ASAH1: variants seen among roughly 807,000 people sequenced by gnomAD.
ASAH1 encodes N-acylsphingosine amidohydrolase 1.
In ASAH1, 70 loss-of-function variants were observed where a neutral mutation model predicts 59.5. The ratio of observed to expected loss-of-function variants is 1.18; its 90% CI spans 0.97 to 1.43. ASAH1 has a LOEUF of 1.43. Among genes scored for constraint, ASAH1 ranks in the 40% most tolerant of loss-of-function variants. The pLI, the probability that ASAH1 is intolerant of heterozygous loss-of-function variation, is 0.00. For synonymous variants in ASAH1, 213 were observed against 166.5 expected (o/e 1.28, Z -2.15); for missense variants, 660 against 482.5 (o/e 1.37, Z -3.45).
chr8:18,076,257 GA>G (rs1800400160), intron 1 of ASAH1: 1 of 154,324 alleles, frequency 6.5e-6, no homozygotes, highest in Admixed American at 6.4e-5. Context: ...TCTTCCATAT[GA>G]AAATATTCAT....
At chr8:18,063,104 G>A (rs1258729260) in intron 7 of ASAH1, 81 bp downstream of exon 7, 22 of 1,343,314 alleles carry the variant, frequency 1.6e-5, no homozygotes, top group African/African-American at 4.3e-5. Flanking sequence ...TCCTGACCTC[G>A]TGATCCACCC....
chr8:18,057,808 A>T (rs1241494490), intron 13 of ASAH1, 185 bp from the exon 14 acceptor site: 1 of 186,954 alleles, frequency 5.3e-6, no homozygotes, highest in African/African-American at 2.4e-5. Context: ...AATCATATAA[A>T]ATTAGCTAAA....
intron 4 of ASAH1, chr8:18,068,468 G>T (rs941052159): frequency 4.6e-5 from 7 of 152,164 alleles, no homozygotes; most frequent in African/African-American, 1.7e-4. Flanking sequence ...CAAAAGCTCC[G>T]AGAGCATGCA....
chr8:18,064,152 A>T (rs1799829208), intron 6 of ASAH1: 4 of 523,022 alleles, frequency 7.6e-6, no homozygotes, highest in Non-Finnish European at 1.3e-5. Flanking sequence ...TCCTGCGAGC[A>T]CTTCCATCAA....
In ASAH1 at chr8:18,059,352, T is replaced by C. The variant is rs751353262; in HGVS notation, c.1030A>G (p.Thr344Ala). 1 of 1,614,012 alleles carries C rather than the reference T, an allele frequency of 6.2e-7. No individual in the cohort carries two copies. Among genetic ancestry groups the C allele is most frequent in the East Asian group, 2.2e-5 (1 of 44,882 alleles). ...CCCTGCAAAGGTACCTCTTGGCTGGTGCGGTTCAGACACATCTTTGCAGGC... is the reference window on the plus strand; with the variant it reads ...CCCTGCAAAGGTACCTCTTGGCTGGCGCGGTTCAGACACATCTTTGCAGGC... ...RTPAKMCLNR[T>A]SQENISFETM... The change falls in exon 12 of 14, where the codon ACC becomes GCC. Residue 344 changes from threonine to alanine, a missense_variant. Transcript: ENST00000637790.
chr8:18,063,256 G>T (rs182746178), intron 6 of ASAH1, 26 bp from the exon 7 acceptor site: 190 of 1,580,636 alleles, frequency 1.2e-4, no homozygotes, highest in Middle Eastern at 5.0e-4. Flanking sequence ...CAGAAGAGAC[G>T]TGTAATAGCA....
intron 3 of ASAH1, 23 bp downstream of exon 3, chr8:18,071,277 A>C (rs1263571759): frequency 4.2e-6 from 5 of 1,204,212 alleles, no homozygotes; most frequent in South Asian, 2.1e-5. Flanking sequence ...AAAGAAATAA[A>C]AGATTTAAGC....
intron 1 of ASAH1, among the ~76,000 whole-genome samples, chr8:18,081,301 C>T (rs1800642957): frequency 6.6e-6 from 1 of 152,160 alleles, no homozygotes; most frequent in Non-Finnish European, 1.5e-5. Flanking sequence ...CTCCCTCACC[C>T]CTGGCGCCAC....
chr8:18,059,803 T>C, intron 10 of ASAH1, 100 bp from the exon 11 acceptor site: 1 of 1,220,774 alleles, frequency 8.2e-7, no homozygotes. Flanking sequence ...GGGACACATG[T>C]GCTGAACGTG....
At chr8:18,071,143 G>A (rs1406631804) in intron 3 of ASAH1, among the ~76,000 whole-genome samples, 157 bp downstream of exon 3, 1 of 151,798 alleles carries the variant, frequency 6.6e-6, no homozygotes, top group Non-Finnish European at 1.5e-5. Flanking sequence ...GGAGGCGGAG[G>A]TTGCGGCGAG....
At chr8:18,081,222 C>T (rs1322384604) in intron 1 of ASAH1, among the ~76,000 whole-genome samples, 1 of 152,156 alleles carries the variant, frequency 6.6e-6, no homozygotes, top group African/African-American at 2.4e-5. Context: ...CACCTCACTC[C>T]CTCATCCTCA....
At position 18,057,394 on chromosome 8, in the gene ASAH1, T is replaced by C. The variant is rs549957943; in HGVS notation, c.*140A>G. The C allele has an allele frequency of 2.6e-5, 15 of 572,196 alleles. No individual in the cohort carries two copies. The highest frequency in any genetic ancestry group is 2.5e-4 in the South Asian group (15 of 59,084). The allele number at this position is 572,196 out of a possible 1,614,324, so 35.4% of individuals were successfully genotyped here. On this transcript the variant is annotated 3_prime_UTR_variant, in exon 14 of 14. Transcript: ENST00000637790. Reference sequence around the variant, plus strand: ...AAAAGATCTGTCATTTGTCAACAGATGGACGAAGACAAGCTATTGACTCAA... The same window carrying C: ...AAAAGATCTGTCATTTGTCAACAGACGGACGAAGACAAGCTATTGACTCAA...
In ASAH1 at chr8:18,057,551, G is replaced by A; in HGVS notation, c.1171C>T (p.Pro391Ser). The A allele has an allele frequency of 6.2e-7, 1 of 1,600,744 alleles. No homozygotes were observed. The highest frequency in any genetic ancestry group is 8.5e-7 in the Non-Finnish European group (1 of 1,171,248). Residue 391 changes from proline to serine, a missense_variant, in exon 14 of 14, where the codon CCT becomes TCT. Coordinates refer to ENST00000637790, the MANE Select transcript of ASAH1 (RefSeq NM_177924.5). ...ACGTGTGCTCACCAACCTATACAAG[G>A]GTCAGGGCAGTCCCGCAGGTAAGTT... The part of the protein sequence containing the change: ...FETYLRDCPD[P>S]CIGW
intron 2 of ASAH1, 161 bp from the exon 3 acceptor site, chr8:18,071,551 G>A (rs1161398792): frequency 1.7e-6 from 1 of 593,088 alleles, no homozygotes; most frequent in Non-Finnish European, 3.1e-6. Context: ...TCTACCTAGT[G>A]CTTCTAGGTT....
At position 18,084,022 on chromosome 8, in the gene ASAH1, C is replaced by A; in HGVS notation, c.37G>T (p.Ala13Ser). 3 of 1,598,648 alleles carry A rather than the reference C, an allele frequency of 1.9e-6. No homozygotes were observed. Among genetic ancestry groups the A allele is most frequent in the Non-Finnish European group, 2.5e-6 (3 of 1,179,636 alleles). Residue 13 changes from alanine (A) to serine (S), a missense_variant, in exon 1 of 14, where the codon GCT becomes TCT. By Grantham distance (99) the Ala-to-Ser change is moderately conservative. Transcript: ENST00000637790. ...GCGACGGCACAGCTGACGGCGGCAG[C>A]CAGGAGGACTAAGGCGACGCAACTC... is the stretch of plus-strand genomic sequence containing the variant. Reference protein sequence around the residue: ...GRSCVALVLLAAAVSCAVAQH... With the variant: ...GRSCVALVLLSAAVSCAVAQH...
intron 5 of ASAH1, 65 bp downstream of exon 5, chr8:18,067,155 C>T: frequency 4.5e-6 from 4 of 888,682 alleles, no homozygotes; most frequent in South Asian, 3.1e-5. Flanking sequence ...GTATATCACA[C>T]CTCAATGGAA....
upstream of ASAH1, chr8:18,084,132 A>G (rs1207458806): frequency 2.7e-5 from 43 of 1,580,090 alleles, no homozygotes; most frequent in African/African-American, 4.0e-5. Flanking sequence ...GGGGCAGGCC[A>G]CGCCCCCTCC....
In ASAH1 at chr8:18,077,743, T is replaced by C. The variant is rs190775581; in HGVS notation, c.79-2156A>G. Among the ~76,000 whole-genome samples the C allele has an allele frequency of 1.7e-3, 264 of 152,346 alleles. 5 individuals carry two copies. Among genetic ancestry groups the C allele is most frequent in the Non-Finnish European group, 8.8e-5 (6 of 68,020 alleles). On this transcript the variant is annotated intron_variant, in intron 1 of 13. Transcript: ENST00000637790. ...ATTTAGGTAATCCACCATTGGTAAA[T>C]GGCTTTCCTTATTTTGCTAATAAAT...
In ASAH1 at chr8:18,070,043, C is replaced by A. The variant is rs188602112; in HGVS notation, c.217-165G>T. Among the ~76,000 whole-genome samples the A allele has an allele frequency of 2.0e-5, 3 of 152,306 alleles. No individual in the cohort carries two copies. The East Asian group carries it at 5.8e-4, about 29-fold the overall frequency. ...TCACCCAGGCTGGAGTGCAGTAGCA[C>A]CATCTCGGCTCACTGCAATCTCTGC... On this transcript the variant is annotated intron_variant, in intron 3 of 13. Coordinates refer to ENST00000637790, the MANE Select transcript of ASAH1 (RefSeq NM_177924.5).
Sources: allele counts gnomAD v4.1 joint callset (sites outside exome capture counted in the v4.1 genomes callset), GRCh38; gene constraint gnomAD v4.1.1; transcripts MANE v1.5; gene names NCBI Gene and HGNC (gene_info 2026-07-23, HGNC 2026-07-21).